The following MCPH1 variants were observed in gnomAD, a reference collection of about 807,000 sequenced individuals.
The protein encoded by MCPH1 is microcephalin.
A neutral mutation model predicts 84.5 loss-of-function variants in MCPH1; 104 were observed. The ratio of observed to expected loss-of-function variants is 1.23; its 90% confidence interval spans 1.05 to 1.45. The LOEUF (loss-of-function observed/expected upper bound fraction) is 1.45, where lower values mean the gene tolerates loss of function less well. MCPH1 is among the 40% of genes most tolerant of loss of function. The probability of loss-of-function intolerance (pLI) is 0.00; values close to 1 mark genes in which losing one functional copy is unlikely to be tolerated. For missense variants in MCPH1, 1,498 were observed against 1,005.7 expected, an observed-to-expected ratio of 1.49 and a Z score of -6.62; for synonymous variants, 514 against 366.8, an observed-to-expected ratio of 1.40 and a Z score of -4.58.
At chr8:6,575,888 G>C (rs976597340) in intron 12 of MCPH1, among the ~76,000 whole-genome samples, 5 of 152,194 alleles carry the variant, frequency 3.3e-5, no homozygotes, top group African/African-American at 9.6e-5. Flanking sequence ...GAGAGGCCTG[G>C]GACAGATCCT....
At chr8:6,421,357 C>T (rs1271149715) in intron 3 of MCPH1, among the ~76,000 whole-genome samples, 1 of 152,110 alleles carries the variant, frequency 6.6e-6, no homozygotes, top group African/African-American at 2.4e-5. Context: ...GTAGAGGCCT[C>T]TCCTGCCGGG....
At chr8:6,447,343 C>A in intron 8 of MCPH1, 1 of 985,322 alleles carries the variant, frequency 1.0e-6, no homozygotes, top group Non-Finnish European at 1.2e-6. Flanking sequence ...GGGGTGAAAA[C>A]TTCTGTACAG....
intron 11 of MCPH1, among the ~76,000 whole-genome samples, chr8:6,483,206 T>C (rs1372692633): frequency 6.6e-6 from 1 of 152,216 alleles, no homozygotes; most frequent in Admixed American, 6.5e-5. Context: ...ACATACAATG[T>C]TCATGGATTA....
At position 6,438,961 on chromosome 8, in the gene MCPH1, G is replaced by C. The variant is rs201403389; in HGVS notation, c.445G>C (p.Val149Leu). The C allele has an allele frequency of 6.2e-7, 1 of 1,611,782 alleles. No homozygotes were observed. Among genetic ancestry groups the C allele is most frequent in the Non-Finnish European group, 8.5e-7 (1 of 1,178,534 alleles). ...QRQKTNLDDDVPILLFESNGS... is the reference protein window; with the variant it reads ...QRQKTNLDDDLPILLFESNGS... ...TTTTTGTTTATTTTCAGATGATGAT[G>C]TACCTATTCTCTTATTTGAATCTAA... Residue 149 changes from valine (V) to leucine (L), a missense_variant, in exon 6 of 14, where the codon GTA becomes CTA. Physicochemically the swap from Val to Leu is conservative, Grantham distance 32. Transcript: ENST00000344683.
chr8:6,502,214 C>T (rs796132394), intron 12 of MCPH1: 9 of 152,098 alleles, frequency 5.9e-5, no homozygotes, highest in African/African-American at 2.2e-4. Context: ...TAAGAAGTTT[C>T]CTTATCACAA....
At chr8:6,579,757 G>A (rs918394087) in intron 12 of MCPH1, among the ~76,000 whole-genome samples, 5 of 152,292 alleles carry the variant, frequency 3.3e-5, no homozygotes, top group East Asian at 3.9e-4. Context: ...CCCAAAGCAC[G>A]TGTCGCCAGA....
At chr8:6,458,769 T>G (rs1358920263) in intron 9 of MCPH1, among the ~76,000 whole-genome samples, 4 of 151,960 alleles carry the variant, frequency 2.6e-5, no homozygotes, top group Non-Finnish European at 5.9e-5. Context: ...CCCAGCCTCC[T>G]TAGTAGCTGG....
At chr8:6,605,523 C>A (rs1054853921) in intron 12 of MCPH1, among the ~76,000 whole-genome samples, 3 of 152,142 alleles carry the variant, frequency 2.0e-5, no homozygotes, top group African/African-American at 7.2e-5. Flanking sequence ...AACTGTAAAC[C>A]TCTACTGTCT....
At chr8:6,627,264 G>A (rs953027986) in intron 13 of MCPH1, 2 of 985,424 alleles carry the variant, frequency 2.0e-6, no homozygotes, top group South Asian at 9.4e-5. Flanking sequence ...CATCTCCATT[G>A]CCTCGATAAG....
intron 12 of MCPH1, among the ~76,000 whole-genome samples, chr8:6,585,495 C>T (rs975275553): frequency 3.9e-5 from 6 of 152,334 alleles, no homozygotes; most frequent in Middle Eastern, 3.4e-3. Flanking sequence ...TCGGCCGCCT[C>T]GAAAACATGC....
chr8:6,505,144 A>T (rs1375922588), intron 12 of MCPH1, among the ~76,000 whole-genome samples: 1 of 138,146 alleles, frequency 7.2e-6, no homozygotes, highest in Non-Finnish European at 1.5e-5. Context: ...CCCGTAATGC[A>T]TTATTTCTTA....
chr8:6,557,820 G>A (rs949432999), intron 12 of MCPH1, among the ~76,000 whole-genome samples: 31 of 152,180 alleles, frequency 2.0e-4, no homozygotes, highest in African/African-American at 6.3e-4. Context: ...CAGTCTGTCC[G>A]TGTTCATGAT....
At chr8:6,419,248 C>CT (rs1482344535) in intron 3 of MCPH1, among the ~76,000 whole-genome samples, 2 of 151,792 alleles carry the variant, frequency 1.3e-5, no homozygotes, top group Non-Finnish European at 2.9e-5. Flanking sequence ...AAGACAGGGT[C>CT]TTGCTCTGTT....
intron 3 of MCPH1, among the ~76,000 whole-genome samples, chr8:6,420,661 T>C (rs1392808620): frequency 6.6e-6 from 1 of 152,230 alleles, no homozygotes; most frequent in Non-Finnish European, 1.5e-5. Context: ...TAGATCTTTA[T>C]CTCTGCTGTT....
At chr8:6,503,187 A>G (rs1241014768) in intron 12 of MCPH1, 2 of 1,614,146 alleles carry the variant, frequency 1.2e-6, no homozygotes, top group Non-Finnish European at 1.7e-6. Flanking sequence ...ATGCCGTTGA[A>G]CTTATTTGTG....
chr8:6,560,626 C>T (rs186895506), intron 12 of MCPH1, among the ~76,000 whole-genome samples: 165 of 152,216 alleles, frequency 1.1e-3, no homozygotes, highest in African/African-American at 3.7e-3. Flanking sequence ...CTTGGGGAAA[C>T]GGTATTTAGC....
intron 12 of MCPH1, among the ~76,000 whole-genome samples, chr8:6,564,002 G>C (rs1266940854): frequency 9.1e-6 from 1 of 109,496 alleles, no homozygotes; most frequent in Non-Finnish European, 1.7e-5. Flanking sequence ...TTTTTTTTGA[G>C]ACGGAGTCTC....
chr8:6,444,313 G>C, intron 7 of MCPH1, 80 bp from the exon 8 acceptor site: 1 of 1,538,762 alleles, frequency 6.5e-7, no homozygotes, highest in Non-Finnish European at 8.9e-7. Context: ...TTTAAAAGTT[G>C]TTTTATTGGT....
chr8:6,644,980 T>A lies in MCPH1; in HGVS notation c.*1931T>A, dbSNP rs1333122706. 2.0e-5 allele frequency: 3 copies of A among 152,194 alleles called. No homozygotes were observed. Among genetic ancestry groups the A allele is most frequent in the Admixed American group, 1.3e-4 (2 of 15,278 alleles). 9.4% of individuals were successfully genotyped at this position (152,194 alleles called of 1,614,324 possible). A position where few individuals can be genotyped will look rare whatever the true frequency, so the allele number is the denominator to read the frequency against. ...CTCATCCTCTAACAGCAATTGAACT[T>A]CAATACAATGAGTCATTCCTGAGTT... On this transcript the variant is annotated 3_prime_UTR_variant, in exon 14 of 14. Transcript: ENST00000344683.
Sources: gnomAD v4.1 joint callset for allele counts (sites outside exome capture counted in the v4.1 genomes callset) on GRCh38, gnomAD v4.1.1 for gene constraint, MANE v1.5 for transcripts, NCBI Gene and HGNC (gene_info 2026-07-23, HGNC 2026-07-21) for gene names.